MTA3: variants seen among roughly 807,000 people sequenced by gnomAD.
MTA3 encodes the protein metastasis associated 1 family member 3.
A neutral mutation model predicts 83.5 loss-of-function variants in MTA3; 34 were observed. That is an observed-to-expected ratio of 0.41 (90% confidence interval 0.31 to 0.54). The LOEUF (loss-of-function observed/expected upper bound fraction) is 0.54, where lower values mean the gene tolerates loss of function less well. MTA3 is among the 20% of genes least tolerant of loss of function. The pLI, the probability that MTA3 is intolerant of heterozygous loss-of-function variation, is 0.33. For synonymous variants in MTA3, 303 were observed against 252.7 expected (o/e 1.20, Z -1.89); for missense variants, 761 against 726.4 (o/e 1.05, Z -0.55).
intron 16 of MTA3, among the ~76,000 whole-genome samples, chr2:42,729,899 A>T (rs1239832852): frequency 6.6e-6 from 1 of 152,178 alleles, no homozygotes; most frequent in African/African-American, 2.4e-5. Context: ...GGACATTTTA[A>T]CAGTATCGAT....
chr2:42,745,641 C>G (rs925796302), intron 16 of MTA3, among the ~76,000 whole-genome samples: 3 of 152,004 alleles, frequency 2.0e-5, no homozygotes, highest in Non-Finnish European at 4.4e-5. Context: ...CTGCCTTGGC[C>G]TCCCAAAGTA....
intron 1 of MTA3, among the ~76,000 whole-genome samples, 197 bp downstream of exon 1, chr2:42,568,970 A>AG (rs1678143785): frequency 7.0e-6 from 1 of 142,872 alleles, no homozygotes; most frequent in Non-Finnish European, 1.5e-5. Context: ...CGGGCTCGCG[A>AG]GGGCCCGGGG....
chr2:42,527,403 T>C (rs766419661), intron 2 of MTA3, among the ~76,000 whole-genome samples: 5 of 152,218 alleles, frequency 3.3e-5, no homozygotes, highest in Non-Finnish European at 5.9e-5. Context: ...CCTTCTTTTA[T>C]AGTGAAGGCC....
intron 2 of MTA3, among the ~76,000 whole-genome samples, chr2:42,544,507 T>A (rs1676669576): frequency 6.6e-6 from 1 of 150,730 alleles, no homozygotes; most frequent in Non-Finnish European, 1.5e-5. Flanking sequence ...CATGCTTTGA[T>A]GTACTTAGGC....
At chr2:42,575,301 T>C (rs1678919819) in intron 2 of MTA3, among the ~76,000 whole-genome samples, 1 of 152,222 alleles carries the variant, frequency 6.6e-6, no homozygotes, top group African/African-American at 2.4e-5. Flanking sequence ...TTACCTGTCT[T>C]CCTAGAGTGT....
chr2:42,720,913 CCA>C, intron 15 of MTA3, among the ~76,000 whole-genome samples: 2 of 142,988 alleles, frequency 1.4e-5, no homozygotes, highest in Middle Eastern at 7.2e-3. Flanking sequence ...GATTGTGCCA[CCA>C]CACTCCAGTC....
At chr2:42,514,682 C>CCTT (rs1201134677) in intron 2 of MTA3, among the ~76,000 whole-genome samples, 3 of 53,492 alleles carry the variant, frequency 5.6e-5, no homozygotes, top group African/African-American at 2.5e-4. Context: ...CGCCCAGCCC[C>CCTT]TTTTTTTTTT....
At chr2:42,704,064 A>G (rs534679393) in intron 11 of MTA3, 130 bp from the exon 12 acceptor site, 30 of 1,091,442 alleles carry the variant, frequency 2.7e-5, no homozygotes, top group Non-Finnish European at 3.9e-5. Flanking sequence ...TTACCAGTTT[A>G]TTTCTTCTTC....
At chr2:42,660,637 C>A (rs1003834195) in intron 8 of MTA3, among the ~76,000 whole-genome samples, 1 of 151,982 alleles carries the variant, frequency 6.6e-6, no homozygotes, top group Non-Finnish European at 1.5e-5. Flanking sequence ...GTGATAGGCA[C>A]GGTAGGATGC....
At chr2:42,571,913 C>CTCCA (rs1403495787) in intron 2 of MTA3, among the ~76,000 whole-genome samples, 1 of 150,348 alleles carries the variant, frequency 6.7e-6, no homozygotes, top group Non-Finnish European at 1.5e-5. Flanking sequence ...CGCCATTGCA[C>CTCCA]TCCAGCCTGG....
At chr2:42,550,808 A>G (rs1677072611) in intron 2 of MTA3, among the ~76,000 whole-genome samples, 1 of 152,084 alleles carries the variant, frequency 6.6e-6, no homozygotes, top group African/African-American at 2.4e-5. Context: ...TTGGGAGGCC[A>G]AGGTGGGTGG....
At chr2:42,628,206 T>TTA (rs1686312035) in intron 4 of MTA3, among the ~76,000 whole-genome samples, 1 of 142,522 alleles carries the variant, frequency 7.0e-6, no homozygotes, top group Non-Finnish European at 1.5e-5. Flanking sequence ...CTTCTTATCG[T>TTA]TTTATTTATT....
At chr2:42,550,177 C>G (rs1481502052) in intron 2 of MTA3, among the ~76,000 whole-genome samples, 1 of 152,096 alleles carries the variant, frequency 6.6e-6, no homozygotes, top group South Asian at 2.1e-4. Flanking sequence ...AATCTTATAG[C>G]TATGAAATTG....
chr2:42,578,976 T>G, intron 2 of MTA3, 131 bp from the exon 3 acceptor site: 1 of 577,124 alleles, frequency 1.7e-6, no homozygotes. Context: ...GCTCTGTGGT[T>G]ATCCTGCAGT....
At chr2:42,571,947 CAAAAA>C (rs1260024595) in intron 2 of MTA3, among the ~76,000 whole-genome samples, 2 of 99,060 alleles carry the variant, frequency 2.0e-5, no homozygotes, top group African/African-American at 7.8e-5. Flanking sequence ...AACTCCGTCT[CAAAAA>C]AAAAAAAAAA....
At chr2:42,554,162 A>C (rs925622837) in intron 2 of MTA3, among the ~76,000 whole-genome samples, 3 of 151,830 alleles carry the variant, frequency 2.0e-5, no homozygotes, top group African/African-American at 7.3e-5. Flanking sequence ...TGAATGCAGG[A>C]GATGGAGTTT....
intron 2 of MTA3, among the ~76,000 whole-genome samples, chr2:42,556,218 C>T (rs1477220432): frequency 6.6e-6 from 1 of 152,120 alleles, no homozygotes; most frequent in Non-Finnish European, 1.5e-5. Flanking sequence ...TTCTGCTTCT[C>T]TATCTCCCCT....
chr2:42,637,556 G>A (rs1164247255), intron 4 of MTA3, among the ~76,000 whole-genome samples: 1 of 152,076 alleles, frequency 6.6e-6, no homozygotes, highest in African/African-American at 2.4e-5. Context: ...CTCTTGGCAT[G>A]GTAATATATG....
Position 42,674,642 on chromosome 2 carries a change from A to C in MTA3, c.703-7759A>C, listed in dbSNP as rs1397611762. Among the ~76,000 whole-genome samples, 3 of 137,150 alleles carry C rather than the reference A, an allele frequency of 2.2e-5. No individual in the cohort carries two copies. The East Asian group carries it at 6.3e-4, about 29-fold the overall frequency. The allele number at this position is 137,150 out of a possible 152,430, so 90.0% of individuals were successfully genotyped here. A position where few individuals can be genotyped will look rare whatever the true frequency, so the allele number is the denominator to read the frequency against. On this transcript the variant is annotated intron_variant, in intron 8 of 16. Transcript: ENST00000405094. The stretch of plus-strand genomic sequence containing the variant: ...TGAGACGGAGTCTCACTCCATCACT[A>C]GGCTGGAGTGCAGTGGCCCGATCTC...
Sources: gnomAD v4.1 joint callset for allele counts (sites outside exome capture counted in the v4.1 genomes callset) on GRCh38, gnomAD v4.1.1 for gene constraint, MANE v1.5 for transcripts, NCBI Gene and HGNC (gene_info 2026-07-23, HGNC 2026-07-21) for gene names.